Variants in RUSC1 observed in about 807,000 individuals in gnomAD.
RUSC1 encodes RUN and SH3 domain containing 1, also known as AP-4 complex accessory subunit RUSC1.
Under a neutral mutation model 72.1 loss-of-function variants are expected in RUSC1, and 40 were observed. The ratio of observed to expected loss-of-function variants is 0.55; its 90% CI spans 0.43 to 0.72. RUSC1 has a LOEUF of 0.72. Among genes scored for constraint, RUSC1 ranks in the 30% least tolerant of loss-of-function variants. RUSC1 has a pLI of 0.00. For missense variants in RUSC1, 1,092 were observed against 1,172.3 expected, an observed-to-expected ratio of 0.93 and a Z score of 1.00; for synonymous variants, 512 against 494.2, an observed-to-expected ratio of 1.04 and a Z score of -0.48.
chr1:155,324,913 G>A lies in RUSC1; in HGVS notation c.1426G>A (p.Gly476Arg), dbSNP rs1651136902. Reference sequence around the variant, plus strand: ...GCTGTGGATGGCAGAAGCCCAGAGTGGGACTGGTCAGCTGCAGGAGCAGAA... The same window carrying A: ...GCTGTGGATGGCAGAAGCCCAGAGTAGGACTGGTCAGCTGCAGGAGCAGAA... ...QRLWMAEAQS[G>R]TGQLQEQKKG... Residue 476 changes from glycine (G) to arginine (R), a missense_variant, in exon 3 of 10, where the codon GGG becomes AGG. By Grantham distance (125) the Gly-to-Arg change is moderately radical (BLOSUM62 -2). Transcript: ENST00000368352. 1 of 1,614,230 alleles carries A rather than the reference G, an allele frequency of 6.2e-7. No homozygotes were observed. The highest frequency in any genetic ancestry group is 8.5e-7 in the Non-Finnish European group (1 of 1,180,036).
rs1193231614 is a variant in RUSC1 at position 155,322,421 on chromosome 1, T to C, written c.648T>C (p.Asp216=). ...DLPTSELLEA[D]DGKIDAGKTE... ...CTACCTCTGAGCTCTTAGAGGCGGA[T>C]GATGGGAAAATCGACGCTGGGAAAA... The change falls in exon 2 of 10, where the codon GAT becomes GAC. Residue 216 remains aspartate, a synonymous_variant. Coordinates refer to ENST00000368352, the MANE Select transcript of RUSC1 (RefSeq NM_001105203.2). 8 of 1,614,086 alleles carry C rather than the reference T, an allele frequency of 5.0e-6. No homozygotes were observed. In the South Asian group the frequency reaches 8.8e-5, roughly 18 times the overall value.
rs780807973 is a variant in RUSC1 at position 155,326,809 on chromosome 1, C to T, written c.2091C>T (p.His697=). Residue 697 remains histidine (H), a synonymous_variant, in exon 8 of 10, where the codon CAC becomes CAT. Coordinates refer to ENST00000368352, the MANE Select transcript of RUSC1 (RefSeq NM_001105203.2). The surrounding 1 kb of genome is among the most constrained non-coding windows in gnomAD (Gnocchi z 4.7). ...AGCAGACTATGCAAGCCATGCTGCA[C>T]TTTGGGGGCCGGCTGGCCCAGAGCC... ...ALQQTMQAML[H]FGGRLAQSLR... is the part of the protein sequence containing the mutation. The T allele has an allele frequency of 2.5e-6, 4 of 1,613,418 alleles. No individual in the cohort carries two copies. The highest frequency in any genetic ancestry group is 3.4e-6 in the Non-Finnish European group (4 of 1,180,042).
In RUSC1 at chr1:155,323,005, A is replaced by C; in HGVS notation, c.1232A>C (p.Lys411Thr). 1 of 1,433,076 alleles carries C rather than the reference A, an allele frequency of 7.0e-7. No individual in the cohort carries two copies. Among genetic ancestry groups the C allele is most frequent in the Non-Finnish European group, 9.3e-7 (1 of 1,079,970 alleles). The allele number at this position is 1,433,076 out of a possible 1,614,324, so 88.8% of individuals were successfully genotyped here. Residue 411 changes from lysine (K) to threonine (T), a missense_variant, in exon 2 of 10, where the codon AAG (lysine) becomes ACG (threonine). Physicochemically the swap from Lys to Thr is moderately conservative, Grantham distance 78 (BLOSUM62 -1). Coordinates refer to ENST00000368352, the MANE Select transcript of RUSC1 (RefSeq NM_001105203.2). ...PPPPPVPPRR[K>T]KNRPGLQPIA... is the part of the protein sequence containing the mutation. ...CCCCCGCCTGTCCCTCCCCGAAGGA[A>C]GAAGAACCGACCTGGACTGCAGCCC...
chr1:155,329,550 G>A (rs2148288604), intron 9 of RUSC1, among the ~76,000 whole-genome samples: 1 of 151,740 alleles, frequency 6.6e-6, no homozygotes, highest in Non-Finnish European at 1.5e-5. Flanking sequence ...CTGCCACCAT[G>A]CCCAGCTAAT....
intron 8 of RUSC1, among the ~76,000 whole-genome samples, chr1:155,327,430 G>A (rs1415177041): frequency 6.6e-6 from 1 of 152,126 alleles, no homozygotes. Flanking sequence ...TACAGTTGAT[G>A]TATAGGAAAA....
chr1:155,322,613 C>A lies in RUSC1; in HGVS notation c.840C>A (p.Asn280Lys). The A allele has an allele frequency of 6.2e-7, 1 of 1,614,234 alleles. No homozygotes were observed. The highest frequency in any genetic ancestry group is 8.5e-7 in the Non-Finnish European group (1 of 1,180,034). Residue 280 changes from asparagine to lysine, a missense_variant, in exon 2 of 10, where the codon AAC becomes AAA. By Grantham distance (94) the Asn-to-Lys change is moderately conservative (BLOSUM62 0). Transcript: ENST00000368352. Reference protein sequence around the residue: ...PEKFDSGWKTNTRITDSGSKT... With the variant: ...PEKFDSGWKTKTRITDSGSKT... ...AATTCGACTCTGGTTGGAAAACCAA[C>A]ACAAGAATAACTGATTCTGGCTCGA...
chr1:155,326,112 C>T lies in RUSC1; in HGVS notation c.1861+202C>T, dbSNP rs555037344. ...AAAGCCTTGGCTGTCTGGCCTCTGC[C>T]CTCTTCCCCTGCCTTGGAGGGTCTT... On this transcript the variant is annotated intron_variant, in intron 7 of 9. Transcript: ENST00000368352. This position sits in a 1 kb window ranked among gnomAD's most constrained non-coding sequence, Gnocchi z 4.7. The T allele has an allele frequency of 6.3e-6, 4 of 630,420 alleles. No individual in the cohort carries two copies. Among genetic ancestry groups the T allele is most frequent in the Admixed American group, 2.8e-5 (1 of 35,536 alleles). 39.1% of individuals were successfully genotyped at this position (630,420 alleles called of 1,614,324 possible).
At chr1:155,328,454 A>C (rs1030122504) in intron 9 of RUSC1, among the ~76,000 whole-genome samples, 179 bp downstream of exon 9, 2 of 145,602 alleles carry the variant, frequency 1.4e-5, no homozygotes, top group African/African-American at 5.3e-5. Context: ...TTTTTTTTTT[A>C]AGAGACAAGA....
chr1:155,322,878 A>G lies in RUSC1; in HGVS notation c.1105A>G (p.Thr369Ala), dbSNP rs1305669922. 6.2e-7 allele frequency: 1 copy of G among 1,611,022 alleles called. No individual in the cohort carries two copies. The change falls in exon 2 of 10, where the codon ACC becomes GCC. Residue 369 changes from threonine to alanine, a missense_variant. Transcript: ENST00000368352. ...GGSSAPPREV[T>A]TFKELRSRSR... The stretch of plus-strand genomic sequence containing the variant: ...CTCCTCGGCACCTCCTCGGGAAGTC[A>G]CCACCTTCAAGGAACTCCGGTCCCG...
chr1:155,322,776 G>T lies in RUSC1; in HGVS notation c.1003G>T (p.Ala335Ser). The change falls in exon 2 of 10, where the codon GCG (alanine) becomes TCG (serine). Residue 335 changes from alanine (A) to serine (S), a missense_variant. Transcript: ENST00000368352. ...CCCAGGGCTGCCCCTTGTCCCGCAG[G>T]CGAAGAAAGATCGCAGTGACTGGCT... is the stretch of plus-strand genomic sequence containing the variant. Reference protein sequence around the residue: ...RGPGLPLVPQAKKDRSDWLIV... With the variant: ...RGPGLPLVPQSKKDRSDWLIV... 6.2e-7 allele frequency: 1 copy of T among 1,613,770 alleles called. No homozygotes were observed. The highest frequency in any genetic ancestry group is 8.5e-7 in the Non-Finnish European group (1 of 1,179,746).
chr1:155,329,720 C>T (rs779201115), intron 9 of RUSC1, among the ~76,000 whole-genome samples: 1 of 145,242 alleles, frequency 6.9e-6, no homozygotes, highest in Non-Finnish European at 1.5e-5. Flanking sequence ...ATTTGGCGGC[C>T]GGGCGTGGTG....
In RUSC1 at chr1:155,326,831, A is replaced by G; in HGVS notation, c.2113A>G (p.Ser705Gly). ...MLHFGGRLAQ[S>G]LRGTSKEAAS... The stretch of plus-strand genomic sequence containing the variant: ...GCACTTTGGGGGCCGGCTGGCCCAG[A>G]GCCTTCGGGGGACTTCCAAGGAAGC... Residue 705 changes from serine (S) to glycine (G), a missense_variant, in exon 8 of 10, where the codon AGC (serine) becomes GGC (glycine). By Grantham distance (56) the Ser-to-Gly change is moderately conservative. Coordinates refer to ENST00000368352, the MANE Select transcript of RUSC1 (RefSeq NM_001105203.2). This position sits in a 1 kb window ranked among gnomAD's most constrained non-coding sequence, Gnocchi z 4.7. The G allele has an allele frequency of 6.2e-7, 1 of 1,613,606 alleles. No homozygotes were observed. The highest frequency in any genetic ancestry group is 1.7e-5 in the Admixed American group (1 of 60,032).
chr1:155,324,644 C>G, intron 2 of RUSC1: 1 of 1,520,046 alleles, frequency 6.6e-7, no homozygotes, highest in East Asian at 2.4e-5. Context: ...TGGGGGACAG[C>G]GAGTGCTGGG....
intron 9 of RUSC1, among the ~76,000 whole-genome samples, chr1:155,329,585 G>C (rs1246134968): frequency 6.6e-6 from 1 of 150,608 alleles, no homozygotes; most frequent in East Asian, 2.0e-4. Flanking sequence ...ATAGAGATGG[G>C]GTTTCACCAT....
chr1:155,321,016 G>T, intron 1 of RUSC1, 25 bp downstream of exon 1: 1 of 1,498,976 alleles, frequency 6.7e-7, no homozygotes, highest in African/African-American at 1.4e-5. Context: ...GCCCATGGGT[G>T]TAGACCGATG....
chr1:155,328,208 G>T lies in RUSC1; in HGVS notation c.2473G>T (p.Ala825Ser). 1.2e-6 allele frequency: 2 copies of T among 1,613,414 alleles called. No individual in the cohort carries two copies. Among genetic ancestry groups the T allele is most frequent in the Non-Finnish European group, 8.5e-7 (1 of 1,179,712 alleles). ...TGTGTTGGCTCTTGTGAAGCGGGGG[G>T]CACCTCCCGAGATGCCTTCTCCTCA... ...VSVLALVKRG[A>S]PPEMPSPQEL... The change falls in exon 9 of 10, where the codon GCA (alanine) becomes TCA (serine). Residue 825 changes from alanine to serine, a missense_variant. Coordinates refer to ENST00000368352, the MANE Select transcript of RUSC1 (RefSeq NM_001105203.2).
At position 155,330,832 on chromosome 1, in the gene RUSC1, T is replaced by C. The variant is rs1015708642; in HGVS notation, c.*261T>C. On this transcript the variant is annotated 3_prime_UTR_variant, in exon 10 of 10. Coordinates refer to ENST00000368352, the MANE Select transcript of RUSC1 (RefSeq NM_001105203.2). ...TTTTTCCCGTCTATATAAGGGAATG[T>C]CTTCCTTCCTATCTATCTGCAAAAT... The C allele has an allele frequency of 1.2e-5, 4 of 344,808 alleles. No individual in the cohort carries two copies. The highest frequency in any genetic ancestry group is 2.1e-5 in the Non-Finnish European group (4 of 188,492). 21.4% of individuals were successfully genotyped at this position (344,808 alleles called of 1,614,324 possible).
chr1:155,330,567 T>C lies in RUSC1; in HGVS notation c.2705T>C (p.Leu902Pro), dbSNP rs199849421. The C allele has an allele frequency of 1.4e-5, 23 of 1,589,206 alleles. No individual in the cohort carries two copies. The East Asian group carries it at 4.8e-4, about 33-fold the overall frequency. The change falls in exon 10 of 10, where the codon CTG becomes CCG. Residue 902 changes from leucine to proline, a missense_variant. By Grantham distance (98) the Leu-to-Pro change is moderately conservative. Coordinates refer to ENST00000368352, the MANE Select transcript of RUSC1 (RefSeq NM_001105203.2). The stretch of plus-strand genomic sequence containing the variant: ...CCTGTGGGGTATACCTCCCTTGTTC[T>C]GTAGCCCTGGGACCCTTTCCTGCGT... ...LVPVGYTSLV[L>P] is the part of the protein sequence containing the mutation.
chr1:155,325,474 G>T lies in RUSC1; in HGVS notation c.1692G>T (p.Glu564Asp). 1 of 1,594,488 alleles carries T rather than the reference G, an allele frequency of 6.3e-7. No individual in the cohort carries two copies. The highest frequency in any genetic ancestry group is 1.1e-5 in the South Asian group (1 of 90,012). ...GGAGCAGCCCCTGGAGCGTGGTGGAGGCGTCGGTGAAGCCAGGTGAGCCAG... is the reference window on the plus strand; with the variant it reads ...GGAGCAGCCCCTGGAGCGTGGTGGATGCGTCGGTGAAGCCAGGTGAGCCAG... The part of the protein sequence containing the change: ...QRRSSPWSVV[E>D]ASVKPGSSTR... The change falls in exon 5 of 10, where the codon GAG (glutamate) becomes GAT (aspartate). Residue 564 changes from glutamate to aspartate, a missense_variant. Transcript: ENST00000368352. This position sits in a 1 kb window ranked among gnomAD's most constrained non-coding sequence, Gnocchi z 6.5.
Sources: allele counts gnomAD v4.1 joint callset (sites outside exome capture counted in the v4.1 genomes callset), GRCh38; gene constraint gnomAD v4.1.1; non-coding constraint Gnocchi (gnomAD v3.1); transcripts MANE v1.5; gene names NCBI Gene and HGNC (gene_info 2026-07-23, HGNC 2026-07-21).